The following PCDHGA1 variants were observed in gnomAD, a reference collection of about 807,000 sequenced individuals.
The protein encoded by PCDHGA1 is protocadherin gamma-A1.
In PCDHGA1, 32 loss-of-function variants were observed where a neutral mutation model predicts 58.0. The observed-to-expected ratio is 0.55, with a 90% CI of 0.42 to 0.74. The LOEUF (loss-of-function observed/expected upper bound fraction) is 0.74, where lower values mean the gene tolerates loss of function less well. Among genes scored for constraint, PCDHGA1 ranks in the 30% least tolerant of loss-of-function variants. The probability of loss-of-function intolerance (pLI) is 0.00; values close to 1 mark genes in which losing one functional copy is unlikely to be tolerated. For missense variants in PCDHGA1, 1,205 were observed against 1,182.3 expected (o/e 1.02, Z -0.28); for synonymous variants, 498 against 501.1 (o/e 0.99, Z 0.08).
In PCDHGA1 at chr5:141,491,158, GA is replaced by G; in HGVS notation, c.2422-3648del. On this transcript the variant is annotated intron_variant, in intron 1 of 3. Transcript: ENST00000517417. This position sits in a 1 kb window ranked among gnomAD's most constrained non-coding sequence, Gnocchi z 6.9. ...CCGGGCCTTACTGGAGGATGACTCT[GA>G]CACCCAGCAGGTGGTGGTCCTGGTG... 6.2e-7 allele frequency: 1 copy of G among 1,614,130 alleles called. No homozygotes were observed. The highest frequency in any genetic ancestry group is 8.5e-7 in the Non-Finnish European group (1 of 1,179,972).
intron 1 of PCDHGA1, chr5:141,339,271 A>T (rs763004865): frequency 2.5e-6 from 4 of 1,614,252 alleles, no homozygotes; most frequent in South Asian, 1.1e-5. Flanking sequence ...CTCAGAGCGC[A>T]CCCTGTCTGT....
At chr5:141,429,468 A>G (rs2097217267) in intron 1 of PCDHGA1, among the ~76,000 whole-genome samples, 1 of 152,048 alleles carries the variant, frequency 6.6e-6, no homozygotes, top group Admixed American at 6.6e-5. Flanking sequence ...TCCCACCTCA[A>G]TCTCCAGAGT....
At chr5:141,383,967 C>G in intron 1 of PCDHGA1, 1 of 1,613,458 alleles carries the variant, frequency 6.2e-7, no homozygotes, top group Non-Finnish European at 8.5e-7. Context: ...GTAGCTCAAT[C>G]CCTGAAGACA....
chr5:141,389,265 G>C (rs1452714844), intron 1 of PCDHGA1: 1 of 1,614,004 alleles, frequency 6.2e-7, no homozygotes, highest in East Asian at 2.2e-5. Flanking sequence ...CCACGTGGCC[G>C]AGAACAACCC....
intron 3 of PCDHGA1, 122 bp downstream of exon 3, chr5:141,505,603 G>A (rs900982128): frequency 6.5e-7 from 1 of 1,534,594 alleles, no homozygotes; most frequent in African/African-American, 1.4e-5. Flanking sequence ...TCTTTCGGCA[G>A]GTCTGAAAGG....
At chr5:141,398,075 A>T in intron 1 of PCDHGA1, 1 of 1,592,106 alleles carries the variant, frequency 6.3e-7, no homozygotes, top group Non-Finnish European at 8.6e-7. Flanking sequence ...TACAGAGGTT[A>T]TTTGTAACCT....
intron 1 of PCDHGA1, chr5:141,415,721 G>A (rs1201366552): frequency 3.0e-6 from 2 of 675,878 alleles, no homozygotes; most frequent in Admixed American, 7.4e-5. Context: ...CTGATGAGTA[G>A]AATTTGATGT....
intron 1 of PCDHGA1, chr5:141,340,436 T>C (rs145901587): frequency 3.8e-5 from 61 of 1,614,210 alleles, no homozygotes; most frequent in Non-Finnish European, 4.9e-5. Flanking sequence ...TCATGTAACT[T>C]ACTCTTTCGC....
Position 141,490,055 on chromosome 5 carries a change from G to A in PCDHGA1, c.2422-4752G>A, listed in dbSNP as rs746297447. The A allele has an allele frequency of 1.9e-6, 3 of 1,614,068 alleles. No individual in the cohort carries two copies. The Admixed American group carries it at 5.0e-5, about 27-fold the overall frequency. On this transcript the variant is annotated intron_variant, in intron 1 of 3. Transcript: ENST00000517417. This position sits in a 1 kb window ranked among gnomAD's most constrained non-coding sequence, Gnocchi z 5.4. ...CTCAATGCCACTGATCCAGACGAGG[G>A]CACCAACGGCCAACTAGACTATTCT...
At chr5:141,336,022 A>T (rs1479786769) in intron 1 of PCDHGA1, among the ~76,000 whole-genome samples, 2 of 152,218 alleles carry the variant, frequency 1.3e-5, no homozygotes, top group African/African-American at 2.4e-5. Flanking sequence ...AAATACATGA[A>T]TTTAGCTTGC....
In PCDHGA1 at chr5:141,340,754, G is replaced by A. The variant is rs61749034; in HGVS notation, c.2421+7649G>A. ...CCTGGTGACCAAGGTGGTGGCGGTG[G>A]ACAGAGACTCGGGCCAGAACGCCTG... is the stretch of plus-strand genomic sequence containing the variant. On this transcript the variant is annotated intron_variant, in intron 1 of 3. Transcript: ENST00000517417. 783 of 1,613,978 alleles carry A rather than the reference G, an allele frequency of 4.9e-4. 3 individuals carry two copies. The African/African-American group carries it at 9.3e-3, about 19-fold the overall frequency.
intron 1 of PCDHGA1, chr5:141,345,617 A>G: frequency 6.2e-7 from 1 of 1,614,162 alleles, no homozygotes; most frequent in Non-Finnish European, 8.5e-7. Context: ...TTAGAGACTT[A>G]AAGCTACTGG....
chr5:141,421,611 T>C lies in PCDHGA1; in HGVS notation c.2422-73196T>C, dbSNP rs747573417. 6.8e-6 allele frequency: 11 copies of C among 1,613,694 alleles called. No homozygotes were observed. The African/African-American group carries it at 1.3e-4, about 20-fold the overall frequency. On this transcript the variant is annotated intron_variant, in intron 1 of 3. Transcript: ENST00000517417. ...TGGAGGTGGAAATAATAGATATTAA[T>C]GATAACGCCCCCAGCTTCCAGGAGG...
In PCDHGA1 at chr5:141,477,963, A is replaced by C; in HGVS notation, c.2422-16844A>C. ...TACAGTCTCTTGGGATCCCCTAACC[A>C]GAGCCTTTTTGCCATAGGGCTGCAC... On this transcript the variant is annotated intron_variant, in intron 1 of 3. Coordinates refer to ENST00000517417, the MANE Select transcript of PCDHGA1 (RefSeq NM_018912.3). The surrounding 1 kb of genome is among the most constrained non-coding windows in gnomAD (Gnocchi z 4.9). The C allele has an allele frequency of 1.2e-6, 2 of 1,614,118 alleles. No individual in the cohort carries two copies. The highest frequency in any genetic ancestry group is 1.7e-6 in the Non-Finnish European group (2 of 1,180,024).
chr5:141,366,824 C>A, intron 1 of PCDHGA1: 1 of 1,535,428 alleles, frequency 6.5e-7, no homozygotes, highest in Non-Finnish European at 8.8e-7. Context: ...CTGTCATATT[C>A]AGAATCAGCT....
intron 1 of PCDHGA1, among the ~76,000 whole-genome samples, chr5:141,368,131 T>G (rs1463973609): frequency 6.6e-6 from 1 of 152,198 alleles, no homozygotes; most frequent in Non-Finnish European, 1.5e-5. Flanking sequence ...TTCTTAATCC[T>G]TCAAATTTTG....
In PCDHGA1 at chr5:141,413,327, A is replaced by T. The variant is rs200027912; in HGVS notation, c.2421+80222A>T. ...TTAGAGAAAGGCTCTTTCGTGGGCA[A>T]CATCTCCAAGGACTTGGGTCTGGCG... On this transcript the variant is annotated intron_variant, in intron 1 of 3. Transcript: ENST00000517417. The T allele has an allele frequency of 2.6e-4, 421 of 1,613,984 alleles. 1 individual carries two copies. The highest frequency in any genetic ancestry group is 1.1e-3 in the South Asian group (96 of 91,090).
At chr5:141,383,102 C>T (rs991434235) in intron 1 of PCDHGA1, 1 of 1,614,004 alleles carries the variant, frequency 6.2e-7, no homozygotes, top group Non-Finnish European at 8.5e-7. Context: ...CGCATCATCT[C>T]CAGAGGTAGG....
intron 1 of PCDHGA1, chr5:141,427,723 G>T: frequency 8.9e-7 from 1 of 1,127,490 alleles, no homozygotes; most frequent in East Asian, 2.4e-5. Flanking sequence ...CTGGACCTAG[G>T]GCTGAATGGC....
Sources: allele counts gnomAD v4.1 joint callset (sites outside exome capture counted in the v4.1 genomes callset), GRCh38; gene constraint gnomAD v4.1.1; non-coding constraint Gnocchi (gnomAD v3.1); transcripts MANE v1.5; gene names NCBI Gene and HGNC (gene_info 2026-07-23, HGNC 2026-07-21).